The following PREX2 variants were observed in gnomAD, a reference collection of about 807,000 sequenced individuals.
PREX2 encodes the protein phosphatidylinositol-3,4,5-trisphosphate dependent Rac exchange factor 2.
Under a neutral mutation model 203.2 loss-of-function variants are expected in PREX2, and 107 were observed. The observed-to-expected ratio is 0.53, with a 90% CI of 0.45 to 0.62. PREX2 has a LOEUF of 0.62. Among genes scored for constraint, PREX2 ranks in the 20% least tolerant of loss-of-function variants. PREX2 has a pLI of 0.00. For synonymous variants in PREX2, 672 were observed against 663.6 expected (o/e 1.01, Z -0.19); for missense variants, 1,777 against 1,955.9 (o/e 0.91, Z 1.72).
chr8:67,995,681 TTG>T (rs1260468100), intron 1 of PREX2, among the ~76,000 whole-genome samples: 1 of 152,222 alleles, frequency 6.6e-6, no homozygotes, highest in Non-Finnish European at 1.5e-5. Flanking sequence ...GATATGCTCG[TTG>T]TGTTTATAGC....
At chr8:68,214,363 G>GC (rs1259971680) in intron 37 of PREX2, among the ~76,000 whole-genome samples, 3 of 152,152 alleles carry the variant, frequency 2.0e-5, no homozygotes, top group African/African-American at 7.2e-5. Context: ...TGGCGCCACT[G>GC]CATTCCAGCC....
intron 35 of PREX2, among the ~76,000 whole-genome samples, chr8:68,184,603 A>G (rs995053587): frequency 2.6e-5 from 4 of 152,202 alleles, no homozygotes; most frequent in African/African-American, 4.8e-5. Flanking sequence ...TATGGAGAAT[A>G]TCTCATAAGC....
At chr8:68,117,329 T>C (rs530442838) in intron 26 of PREX2, among the ~76,000 whole-genome samples, 1 of 152,356 alleles carries the variant, frequency 6.6e-6, no homozygotes, top group South Asian at 2.1e-4. Context: ...CTTCCCAGTT[T>C]GTCTCTTAAC....
intron 1 of PREX2, among the ~76,000 whole-genome samples, chr8:67,983,122 T>A (rs1328746662): frequency 1.3e-5 from 2 of 152,236 alleles, no homozygotes; most frequent in Non-Finnish European, 1.5e-5. Flanking sequence ...GGTATTTTTT[T>A]AAGCAGATAT....
intron 2 of PREX2, among the ~76,000 whole-genome samples, chr8:68,019,104 C>G (rs1024140310): frequency 1.2e-4 from 19 of 152,238 alleles, no homozygotes; most frequent in African/African-American, 4.6e-4. Context: ...CACTGCCATC[C>G]AGGTTATCAG....
At chr8:68,037,901 G>T (rs1163483686) in intron 6 of PREX2, among the ~76,000 whole-genome samples, 1 of 151,922 alleles carries the variant, frequency 6.6e-6, no homozygotes, top group Non-Finnish European at 1.5e-5. Flanking sequence ...TATTCTATAC[G>T]CTTGTGTATG....
intron 14 of PREX2, among the ~76,000 whole-genome samples, chr8:68,075,503 T>C (rs979402263): frequency 1.3e-5 from 2 of 152,186 alleles, no homozygotes; most frequent in Admixed American, 1.3e-4. Context: ...TCCTCTAGCC[T>C]AGGCTCAGGG....
At chr8:67,988,863 A>AGC (rs1461254802) in intron 1 of PREX2, among the ~76,000 whole-genome samples, 4 of 152,244 alleles carry the variant, frequency 2.6e-5, no homozygotes, top group Non-Finnish European at 5.9e-5. Context: ...CCAGCCAACT[A>AGC]TCGCCAAGAG....
chr8:68,092,995 A>G (rs76695153), intron 20 of PREX2, among the ~76,000 whole-genome samples: 3,592 of 152,184 alleles, frequency 0.024, 124 homozygotes, highest in African/African-American at 0.073. Flanking sequence ...CTTACTTACG[A>G]TATACTTGAA....
chr8:68,197,463 G>T (rs1812419802), intron 37 of PREX2, among the ~76,000 whole-genome samples: 1 of 151,964 alleles, frequency 6.6e-6, no homozygotes, highest in Non-Finnish European at 1.5e-5. Context: ...AGTTTTCTAA[G>T]CCCTCCCCAG....
chr8:68,022,132 T>A lies in PREX2; in HGVS notation c.433T>A (p.Phe145Ile). The A allele has an allele frequency of 7.3e-6, 11 of 1,498,598 alleles. No homozygotes were observed. The highest frequency in any genetic ancestry group is 9.3e-6 in the Non-Finnish European group (10 of 1,075,288). 92.8% of individuals were successfully genotyped at this position (1,498,598 alleles called of 1,614,324 possible). Residue 145 changes from phenylalanine to isoleucine, a missense_variant, in exon 4 of 40, where the codon TTT becomes ATT. By Grantham distance (21) the Phe-to-Ile change is conservative. Transcript: ENST00000288368. Reference sequence around the variant, plus strand: ...CAACAAAATAAGAACAATCCGGACATTTCTTTTGGTAAGTGTATATTTATG... The same window carrying A: ...CAACAAAATAAGAACAATCCGGACAATTCTTTTGGTAAGTGTATATTTATG... ...ELNKIRTIRT[F>I]LLNCMLLGGR...
At chr8:68,077,548 C>A in intron 15 of PREX2, 79 bp downstream of exon 15, 1 of 1,046,416 alleles carries the variant, frequency 9.6e-7, no homozygotes, top group Non-Finnish European at 1.5e-6. Context: ...CCCAGTGCTG[C>A]AGTGAGGTCA....
At position 68,030,549 on chromosome 8, in the gene PREX2, A is replaced by G. The variant is rs1807852541; in HGVS notation, c.596A>G (p.Glu199Gly). The part of the protein sequence containing the change: ...RKHSDYAAVM[E>G]ALQAMKAVCS... ...CACAGTGACTATGCAGCAGTGATGG[A>G]AGCCCTCCAAGCCATGAAAGCTGTC... The change falls in exon 6 of 40, where the codon GAA becomes GGA. Residue 199 changes from glutamate (E) to glycine (G), a missense_variant. Coordinates refer to ENST00000288368, the MANE Select transcript of PREX2 (RefSeq NM_024870.4). The G allele has an allele frequency of 1.2e-6, 2 of 1,613,658 alleles. No individual in the cohort carries two copies. The highest frequency in any genetic ancestry group is 1.7e-6 in the Non-Finnish European group (2 of 1,179,710).
Position 68,069,824 on chromosome 8 carries a change from A to G in PREX2, c.1444-11A>G, listed in dbSNP as rs765626480. 14 of 1,444,500 alleles carry G rather than the reference A, an allele frequency of 9.7e-6. No individual in the cohort carries two copies. Among genetic ancestry groups the G allele is most frequent in the East Asian group, 2.3e-5 (1 of 42,588 alleles). 89.5% of individuals were successfully genotyped at this position (1,444,500 alleles called of 1,614,324 possible). ...TCTCACTTGTTTTTGATATATCTCT[A>G]TTTTACGTAGGGTGTAAGATTATAT... On this transcript the variant is annotated splice_polypyrimidine_tract_variant and intron_variant, in intron 12 of 39. Coordinates refer to ENST00000288368, the MANE Select transcript of PREX2 (RefSeq NM_024870.4).
At position 67,952,368 on chromosome 8, in the gene PREX2, G is replaced by C. The variant is rs1805371471; in HGVS notation, c.-27G>C. ...GGGTCAGCGCTCAGCACGGCGGGCA[G>C]CGCCGCGCTGCGCACCGCCGCCGAC... On this transcript the variant is annotated 5_prime_UTR_variant, in exon 1 of 40. Transcript: ENST00000288368. 1 of 1,511,444 alleles carries C rather than the reference G, an allele frequency of 6.6e-7. No individual in the cohort carries two copies. The allele number at this position is 1,511,444 out of a possible 1,614,324, so 93.6% of individuals were successfully genotyped here.
intron 15 of PREX2, among the ~76,000 whole-genome samples, chr8:68,077,926 A>G (rs1221628084): frequency 6.6e-6 from 1 of 152,176 alleles, no homozygotes; most frequent in African/African-American, 2.4e-5. Flanking sequence ...ACAAAATTAT[A>G]GATCTCTAGA....
At chr8:68,086,374 C>T (rs552671163) in intron 18 of PREX2, among the ~76,000 whole-genome samples, 1 of 152,096 alleles carries the variant, frequency 6.6e-6, no homozygotes, top group Non-Finnish European at 1.5e-5. Context: ...CTCAAACTCT[C>T]CCACAGCAAT....
At chr8:67,996,671 T>C (rs749738581) in intron 1 of PREX2, among the ~76,000 whole-genome samples, 2 of 152,186 alleles carry the variant, frequency 1.3e-5, no homozygotes, top group Non-Finnish European at 2.9e-5. Context: ...TTTTTTACTT[T>C]TATGGTTAAT....
chr8:68,122,663 C>G (rs1810800786), intron 30 of PREX2, among the ~76,000 whole-genome samples: 1 of 152,006 alleles, frequency 6.6e-6, no homozygotes, highest in Non-Finnish European at 1.5e-5. Context: ...ATCTCCCCCA[C>G]TTTTTTGTTT....
Sources: gnomAD v4.1 joint callset for allele counts (sites outside exome capture counted in the v4.1 genomes callset) on GRCh38, gnomAD v4.1.1 for gene constraint, MANE v1.5 for transcripts, NCBI Gene and HGNC (gene_info 2026-07-23, HGNC 2026-07-21) for gene names.